Variants in CCDC85C observed in about 807,000 individuals in gnomAD.
CCDC85C encodes the protein coiled-coil domain-containing protein 85C.
A neutral mutation model predicts 38.3 loss-of-function variants in CCDC85C; 18 were observed. The ratio of observed to expected loss-of-function variants is 0.47; its 90% CI spans 0.33 to 0.70. CCDC85C has a LOEUF of 0.70. Ranked by LOEUF, CCDC85C falls within the 30% of genes least tolerant of loss-of-function variation. The pLI is 0.03. For synonymous variants in CCDC85C, 264 were observed against 293.8 expected (o/e 0.90, Z 1.04); for missense variants, 566 against 621.2 (o/e 0.91, Z 0.94).
In CCDC85C at chr14:99,572,098, T is replaced by C. The variant is rs376723023; in HGVS notation, c.793+31069A>G. Among the ~76,000 whole-genome samples, 382 of 152,252 alleles carry C rather than the reference T, an allele frequency of 2.5e-3. 6 individuals are homozygous for C. The highest frequency in any genetic ancestry group is 5.8e-4 in the East Asian group (3 of 5,170). ...CCCTAACCCAGCACCCGCAAGTCTC[T>C]GGAAGGCAGCGGCAAGGGCCAGATT... On this transcript the variant is annotated intron_variant, in intron 1 of 5. Transcript: ENST00000380243. The surrounding 1 kb of genome is among the most constrained non-coding windows in gnomAD (Gnocchi z 4.4).
chr14:99,587,906 A>G (rs113416892), intron 1 of CCDC85C, among the ~76,000 whole-genome samples: 114 of 152,256 alleles, frequency 7.5e-4, no homozygotes, highest in African/African-American at 2.7e-3. Context: ...TCTGCCATAC[A>G]AATAACAGAG....
rs1327961420 is a variant in CCDC85C at position 99,500,612 on chromosome 14, A to C, written c.*14634T>G. 4.8e-6 allele frequency: 3 copies of C among 625,736 alleles called. No individual in the cohort carries two copies. The highest frequency in any genetic ancestry group is 2.9e-5 in the Admixed American group (1 of 34,126). The allele number at this position is 625,736 out of a possible 1,614,324, so 38.8% of individuals were successfully genotyped here. A position where few individuals can be genotyped will look rare whatever the true frequency, so the allele number is the denominator to read the frequency against. ...TCAGAATTTATCAGTGTCTCTGAGC[A>C]TGTTAAAAGTCTGAGTGGGAGAGAA... On this transcript the variant is annotated 3_prime_UTR_variant, in exon 6 of 6. Coordinates refer to ENST00000380243, the MANE Select transcript of CCDC85C (RefSeq NM_001144995.2).
intron 1 of CCDC85C, among the ~76,000 whole-genome samples, chr14:99,591,452 C>T (rs2055085522): frequency 6.6e-6 from 1 of 152,240 alleles, no homozygotes; most frequent in Non-Finnish European, 1.5e-5. Context: ...CCACGGCTCC[C>T]ACGGATGCTG....
Position 99,603,209 on chromosome 14 carries a change from A to C in CCDC85C, c.751T>G (p.Ser251Ala), listed in dbSNP as rs1024572526. The C allele has an allele frequency of 8.4e-6, 12 of 1,428,944 alleles. No homozygotes were observed. Among genetic ancestry groups the C allele is most frequent in the Non-Finnish European group, 1.1e-5 (12 of 1,093,794 alleles). The allele number at this position is 1,428,944 out of a possible 1,614,324, so 88.5% of individuals were successfully genotyped here. The change falls in exon 1 of 6, where the codon TCG (serine) becomes GCG (alanine). Residue 251 changes from serine to alanine, a missense_variant. Ser to Ala is a moderately conservative substitution (Grantham distance 99). Around this residue, in one of 3 missense-constraint regions of CCDC85C, gnomAD observed 286 missense variants for 276.4 expected, o/e 1.03. Transcript: ENST00000380243. This position sits in a 1 kb window ranked among gnomAD's most constrained non-coding sequence, Gnocchi z 7.5. Reference protein sequence around the residue: ...GATRRSLDDLSAPPHHRSIPN... With the variant: ...GATRRSLDDLAAPPHHRSIPN... ...ATGCTGCGGTGGTGCGGCGGCGCCG[A>C]CAAGTCGTCCAGGGACCGACGTGTG...
intron 3 of CCDC85C, among the ~76,000 whole-genome samples, chr14:99,519,663 C>T (rs771588136): frequency 2.6e-5 from 4 of 152,126 alleles, no homozygotes; most frequent in Non-Finnish European, 5.9e-5. Flanking sequence ...TCCAAATGTA[C>T]AGCAACAAAT....
At position 99,516,149 on chromosome 14, in the gene CCDC85C, C is replaced by T. The variant is rs1463580561; in HGVS notation, c.1170+39G>A. 4 of 1,492,632 alleles carry T rather than the reference C, an allele frequency of 2.7e-6. No homozygotes were observed. In the South Asian group the frequency reaches 4.8e-5, roughly 18 times the overall value. The allele number at this position is 1,492,632 out of a possible 1,614,324, so 92.5% of individuals were successfully genotyped here. Reference sequence around the variant, plus strand: ...TGCTGGGTGGCCCTGGTCGCACTCCCAGTGCCAAGCCTCTGCCCCCCACCC... The same window carrying T: ...TGCTGGGTGGCCCTGGTCGCACTCCTAGTGCCAAGCCTCTGCCCCCCACCC... On this transcript the variant is annotated intron_variant, in intron 5 of 5. Transcript: ENST00000380243. The surrounding 1 kb of genome is among the most constrained non-coding windows in gnomAD (Gnocchi z 5.5).
chr14:99,564,384 G>GC (rs982004740), intron 1 of CCDC85C, among the ~76,000 whole-genome samples: 16 of 152,322 alleles, frequency 1.1e-4, no homozygotes, highest in African/African-American at 3.9e-4. Flanking sequence ...CCCAGGACAT[G>GC]CCCCATATGC....
At chr14:99,537,543 A>C (rs2139920755) in intron 1 of CCDC85C, among the ~76,000 whole-genome samples, 2 of 152,254 alleles carry the variant, frequency 1.3e-5, no homozygotes, top group Non-Finnish European at 2.9e-5. Flanking sequence ...CAGGTACTGG[A>C]GCCCGGCCCG....
intron 1 of CCDC85C, among the ~76,000 whole-genome samples, chr14:99,554,626 C>T (rs1228130318): frequency 6.6e-6 from 1 of 152,196 alleles, no homozygotes; most frequent in African/African-American, 2.4e-5. Flanking sequence ...CCCACAGGCC[C>T]AGGTCTGACC....
chr14:99,561,626 C>T (rs1222528703), intron 1 of CCDC85C, among the ~76,000 whole-genome samples: 2 of 152,170 alleles, frequency 1.3e-5, no homozygotes, highest in Admixed American at 6.5e-5. Flanking sequence ...GTGCTGCGAG[C>T]GGGCAGACCC....
chr14:99,503,643 A>T lies in CCDC85C; in HGVS notation c.*11603T>A, dbSNP rs1438531422. ...CTCCCAAAGAAGAGAACAAAGCAGC[A>T]GGTAATTTCCTGTTCTGATGTTTTT... On this transcript the variant is annotated 3_prime_UTR_variant, in exon 6 of 6. Coordinates refer to ENST00000380243, the MANE Select transcript of CCDC85C (RefSeq NM_001144995.2). The T allele has an allele frequency of 1.9e-6, 3 of 1,559,334 alleles. No homozygotes were observed. The African/African-American group carries it at 4.1e-5, about 21-fold the overall frequency.
At chr14:99,531,327 G>A (rs1427449246) in intron 2 of CCDC85C, among the ~76,000 whole-genome samples, 2 of 152,128 alleles carry the variant, frequency 1.3e-5, no homozygotes, top group Non-Finnish European at 2.9e-5. Flanking sequence ...CAGCCCAGCA[G>A]GGGAGTTAAC....
intron 1 of CCDC85C, among the ~76,000 whole-genome samples, chr14:99,546,770 G>C (rs1358049243): frequency 6.6e-6 from 1 of 152,082 alleles, no homozygotes; most frequent in African/African-American, 2.4e-5. Context: ...CATGAACAGG[G>C]CTGCAGTAGC....
At chr14:99,547,836 G>A (rs1897834788) in intron 1 of CCDC85C, among the ~76,000 whole-genome samples, 1 of 151,070 alleles carries the variant, frequency 6.6e-6, no homozygotes, top group Non-Finnish European at 1.5e-5. Context: ...GGGTATATGT[G>A]TGTGTGTATA....
At position 99,518,584 on chromosome 14, in the gene CCDC85C, G is replaced by A. The variant is rs373144597; in HGVS notation, c.976-1401C>T. Among the ~76,000 whole-genome samples, 126 of 151,722 alleles carry A rather than the reference G, an allele frequency of 8.3e-4. 1 individual carries two copies. The highest frequency in any genetic ancestry group is 2.8e-3 in the African/African-American group (116 of 41,004). On this transcript the variant is annotated intron_variant, in intron 3 of 5. Transcript: ENST00000380243. Reference sequence around the variant, plus strand: ...GGGGCAACGCAAGGCGGCACTCCCCGCGCCAGACAGCAGGGGGCGCCAGTC... The same window carrying A: ...GGGGCAACGCAAGGCGGCACTCCCCACGCCAGACAGCAGGGGGCGCCAGTC...
At chr14:99,585,599 C>G (rs527760213) in intron 1 of CCDC85C, among the ~76,000 whole-genome samples, 1 of 152,222 alleles carries the variant, frequency 6.6e-6, no homozygotes. Flanking sequence ...TCACCACACA[C>G]GCGTCTTGTT....
chr14:99,580,203 C>CG (rs2054951555), intron 1 of CCDC85C: 17 of 440,804 alleles, frequency 3.9e-5, no homozygotes, highest in South Asian at 2.7e-4. Flanking sequence ...GGTGTGGCCC[C>CG]GGAGCTCGGC....
chr14:99,574,487 G>A (rs1188389820), intron 1 of CCDC85C, among the ~76,000 whole-genome samples: 2 of 152,036 alleles, frequency 1.3e-5, no homozygotes, highest in Non-Finnish European at 2.9e-5. Flanking sequence ...CTCCTCACAG[G>A]CCGAGGCACA....
At position 99,545,507 on chromosome 14, in the gene CCDC85C, G is replaced by T. The variant is rs1348048632; in HGVS notation, c.794-9419C>A. 2.0e-5 allele frequency among the ~76,000 whole-genome samples: 3 copies of T among 152,146 alleles called. No individual in the cohort carries two copies. The highest frequency in any genetic ancestry group is 6.5e-5 in the Admixed American group (1 of 15,276). ...TTCAAATATGGGGACAAGGGGAAAA[G>T]AATTCCTTCCCTGTGCCTTCAAGGG... On this transcript the variant is annotated intron_variant, in intron 1 of 5. Transcript: ENST00000380243. The surrounding 1 kb of genome is among the most constrained non-coding windows in gnomAD (Gnocchi z 4.7).
Sources: gnomAD v4.1 joint callset for allele counts (sites outside exome capture counted in the v4.1 genomes callset) on GRCh38, gnomAD v4.1.1 for gene constraint, gnomAD v4.1.1 regional missense constraint, Gnocchi (gnomAD v3.1) non-coding constraint, MANE v1.5 for transcripts, NCBI Gene and HGNC (gene_info 2026-07-23, HGNC 2026-07-21) for gene names.